SNTB1: variants seen among roughly 807,000 people sequenced by gnomAD.
The protein encoded by SNTB1 is syntrophin beta 1, also known as beta-1-syntrophin.
In SNTB1, 36 loss-of-function variants were observed where a neutral mutation model predicts 48.9. The observed-to-expected ratio is 0.74, with a 90% CI of 0.56 to 0.97. SNTB1 has a LOEUF of 0.97. Among genes scored for constraint, SNTB1 ranks in the 50% least tolerant of loss-of-function variants. The pLI, the probability that SNTB1 is intolerant of heterozygous loss-of-function variation, is 0.00. For missense variants in SNTB1, 786 were observed against 703.4 expected (o/e 1.12, Z -1.33); for synonymous variants, 299 against 294.6 (o/e 1.01, Z -0.15).
At chr8:120,741,283 G>A (rs1324505656) in intron 1 of SNTB1, among the ~76,000 whole-genome samples, 2 of 152,082 alleles carry the variant, frequency 1.3e-5, no homozygotes, top group Non-Finnish European at 2.9e-5. Context: ...CATGTTCTAC[G>A]AATTCAGACT....
At chr8:120,624,274 T>G (rs1816839895) in intron 3 of SNTB1, among the ~76,000 whole-genome samples, 1 of 152,110 alleles carries the variant, frequency 6.6e-6, no homozygotes, top group Admixed American at 6.5e-5. Flanking sequence ...ATTTACGTCT[T>G]ATAGTTCTGG....
At chr8:120,711,663 G>A (rs1449310349) in intron 1 of SNTB1, among the ~76,000 whole-genome samples, 3 of 152,060 alleles carry the variant, frequency 2.0e-5, no homozygotes, top group South Asian at 2.1e-4. Context: ...TCTGTTCAAC[G>A]GATAATTCAT....
intron 3 of SNTB1, 81 bp from the exon 4 acceptor site, chr8:120,575,306 G>T: frequency 6.5e-7 from 1 of 1,527,790 alleles, no homozygotes; most frequent in Non-Finnish European, 9.0e-7. Context: ...CCTAATCAGA[G>T]GACTCAGCAA....
intron 3 of SNTB1, among the ~76,000 whole-genome samples, chr8:120,587,253 C>CA (rs967582846): frequency 3.8e-4 from 49 of 129,514 alleles, no homozygotes; most frequent in African/African-American, 1.2e-3. Flanking sequence ...GACAAACAAA[C>CA]AAAAAAACCC....
chr8:120,729,693 T>A (rs1434173826), intron 1 of SNTB1, among the ~76,000 whole-genome samples: 2 of 152,216 alleles, frequency 1.3e-5, no homozygotes, highest in African/African-American at 4.8e-5. Flanking sequence ...CCTACAAGAA[T>A]CCAAGTTTGT....
intron 5 of SNTB1, among the ~76,000 whole-genome samples, chr8:120,543,587 G>A (rs1245889733): frequency 6.6e-6 from 1 of 152,110 alleles, no homozygotes; most frequent in African/African-American, 2.4e-5. Context: ...CTCATGCTCT[G>A]GCACTCAGGA....
At chr8:120,768,401 T>C (rs1445581768) in intron 1 of SNTB1, among the ~76,000 whole-genome samples, 1 of 152,208 alleles carries the variant, frequency 6.6e-6, no homozygotes, top group African/African-American at 2.4e-5. Context: ...TATTATTTGG[T>C]ACACAATGGT....
intron 2 of SNTB1, among the ~76,000 whole-genome samples, chr8:120,647,573 G>T (rs1211092322): frequency 6.7e-6 from 1 of 148,700 alleles, no homozygotes; most frequent in African/African-American, 2.5e-5. Flanking sequence ...GCTGAGGAGA[G>T]CTTTACTTCC....
chr8:120,574,438 A>G (rs527944698), intron 4 of SNTB1, among the ~76,000 whole-genome samples: 1 of 152,320 alleles, frequency 6.6e-6, no homozygotes, highest in South Asian at 2.1e-4. Context: ...TATGGTATAG[A>G]CTATGATGAT....
In SNTB1 at chr8:120,710,580, G is replaced by A. The variant is rs74613218; in HGVS notation, c.572-16672C>T. On this transcript the variant is annotated intron_variant, in intron 1 of 6. Coordinates refer to ENST00000517992, the MANE Select transcript of SNTB1 (RefSeq NM_021021.4). ...ACCTTTTGGGAAGTGATTAGGTCAC[G>A]AGGGTTCTGCCCTCATGAATGGATT... 6.4e-3 allele frequency among the ~76,000 whole-genome samples: 973 copies of A among 152,268 alleles called. 9 individuals carry two copies. The highest frequency in any genetic ancestry group is 0.022 in the African/African-American group (913 of 41,560).
chr8:120,674,398 C>T (rs1817802752), intron 2 of SNTB1, among the ~76,000 whole-genome samples: 1 of 152,198 alleles, frequency 6.6e-6, no homozygotes, highest in African/African-American at 2.4e-5. Context: ...GCAAACAAGG[C>T]TGCTTTACTC....
At chr8:120,738,255 TG>T (rs1818981714) in intron 1 of SNTB1, among the ~76,000 whole-genome samples, 1 of 152,168 alleles carries the variant, frequency 6.6e-6, no homozygotes, top group African/African-American at 2.4e-5. Context: ...AAATTTTTGT[TG>T]TATATAAGCT....
chr8:120,647,084 C>G (rs1451635492), intron 2 of SNTB1, among the ~76,000 whole-genome samples: 1 of 141,006 alleles, frequency 7.1e-6, no homozygotes, highest in Admixed American at 7.2e-5. Flanking sequence ...TGCTAGCGGT[C>G]TATCAATTTT....
intron 2 of SNTB1, among the ~76,000 whole-genome samples, chr8:120,682,942 C>T (rs991063474): frequency 1.4e-5 from 2 of 140,094 alleles, no homozygotes; most frequent in Non-Finnish European, 3.0e-5. Context: ...ACTGCAGTGG[C>T]GCTATCTCGG....
intron 1 of SNTB1, among the ~76,000 whole-genome samples, chr8:120,741,171 C>G (rs1563586384): frequency 6.6e-6 from 1 of 152,246 alleles, no homozygotes; most frequent in Admixed American, 6.5e-5. Context: ...ATTAACCTCA[C>G]ATGATCATAT....
chr8:120,810,326 A>C (rs1820403273), intron 1 of SNTB1, among the ~76,000 whole-genome samples: 1 of 152,220 alleles, frequency 6.6e-6, no homozygotes, highest in African/African-American at 2.4e-5. Flanking sequence ...AATTCAGTTT[A>C]CTACCATATG....
intron 2 of SNTB1, among the ~76,000 whole-genome samples, chr8:120,691,187 A>G (rs4484738): frequency 0.48 from 73,422 of 152,168 alleles, 23,152 homozygotes; most frequent in African/African-American, 0.87. Flanking sequence ...CTGTTGTAGC[A>G]TATAAGTCTA....
At chr8:120,630,386 GC>G (rs1225014474) in intron 3 of SNTB1, among the ~76,000 whole-genome samples, 3 of 152,204 alleles carry the variant, frequency 2.0e-5, no homozygotes, top group Non-Finnish European at 2.9e-5. Flanking sequence ...GCTTCTCCTT[GC>G]CCTTTCTGGT....
intron 2 of SNTB1, among the ~76,000 whole-genome samples, chr8:120,680,135 T>C (rs1198458397): frequency 6.6e-6 from 1 of 152,220 alleles, no homozygotes; most frequent in Non-Finnish European, 1.5e-5. Flanking sequence ...ACACCCAGCC[T>C]GCTTTAAAAA....
Sources: allele counts gnomAD v4.1 joint callset (sites outside exome capture counted in the v4.1 genomes callset), GRCh38; gene constraint gnomAD v4.1.1; transcripts MANE v1.5; gene names NCBI Gene and HGNC (gene_info 2026-07-23, HGNC 2026-07-21).